The following CUL5 variants were observed in gnomAD, a reference collection of about 807,000 sequenced individuals.
CUL5 encodes the protein cullin-5.
In CUL5, 26 loss-of-function variants were observed where a neutral mutation model predicts 108.8. That is an observed-to-expected ratio of 0.24 (90% confidence interval 0.18 to 0.33). The LOEUF (loss-of-function observed/expected upper bound fraction) is 0.33. Ranked by LOEUF, CUL5 falls within the 10% of genes least tolerant of loss-of-function variation. CUL5 has a pLI of 1.00. For missense variants in CUL5, 524 were observed against 909.2 expected, an observed-to-expected ratio of 0.58 and a Z score of 5.45; for synonymous variants, 334 against 298.0, an observed-to-expected ratio of 1.12 and a Z score of -1.25.
intron 7 of CUL5, among the ~76,000 whole-genome samples, chr11:108,065,063 T>TCACCCAGGCTGGAGTGC (rs1863640023): frequency 6.6e-6 from 1 of 152,128 alleles, no homozygotes; most frequent in South Asian, 2.1e-4. Flanking sequence ...TCTTGCTCTG[T>TCACCCAGGCTGGAGTGC]CACCCAGGCT....
At chr11:108,019,234 T>G (rs1010359995) in intron 1 of CUL5, among the ~76,000 whole-genome samples, 1 of 151,900 alleles carries the variant, frequency 6.6e-6, no homozygotes, top group African/African-American at 2.4e-5. Context: ...CCTGGAATCA[T>G]TTCCCCACAG....
chr11:108,038,626 G>A (rs1203403748), intron 2 of CUL5, among the ~76,000 whole-genome samples: 4 of 149,046 alleles, frequency 2.7e-5, no homozygotes, highest in Admixed American at 6.7e-5. Flanking sequence ...AGTGAGCCAA[G>A]ATTGCACCAT....
chr11:108,021,266 T>G lies in CUL5; in HGVS notation c.24+11894T>G, dbSNP rs543396304. Among the ~76,000 whole-genome samples the G allele has an allele frequency of 2.8e-3, 424 of 152,308 alleles. 3 individuals are homozygous for G. Among genetic ancestry groups the G allele is most frequent in the African/African-American group, 9.4e-3 (389 of 41,564 alleles). The stretch of plus-strand genomic sequence containing the variant: ...CAGTATGGCGGGAACTTCACAAATC[T>G]TAAAACAACTAAACTGGTTGTGTGG... On this transcript the variant is annotated intron_variant, in intron 1 of 18. Coordinates refer to ENST00000393094, the MANE Select transcript of CUL5 (RefSeq NM_003478.6).
chr11:108,087,789 A>AC (rs1425631323), intron 11 of CUL5, among the ~76,000 whole-genome samples: 2 of 151,886 alleles, frequency 1.3e-5, no homozygotes, highest in African/African-American at 4.8e-5. Flanking sequence ...ACATGGCAAA[A>AC]CCCCATCTGT....
intron 1 of CUL5, among the ~76,000 whole-genome samples, chr11:108,019,030 C>T (rs1294813245): frequency 1.3e-5 from 2 of 152,056 alleles, no homozygotes; most frequent in Admixed American, 6.6e-5. Context: ...TTATAATTCC[C>T]TAAACAGTAC....
intron 2 of CUL5, among the ~76,000 whole-genome samples, chr11:108,041,606 T>C (rs1862915612): frequency 6.6e-6 from 1 of 151,030 alleles, no homozygotes; most frequent in South Asian, 2.1e-4. Context: ...TTTTTTCTTT[T>C]TTAGACAAAG....
At chr11:108,066,562 T>C (rs753162296) in intron 7 of CUL5, among the ~76,000 whole-genome samples, 18 of 152,218 alleles carry the variant, frequency 1.2e-4, no homozygotes, top group Non-Finnish European at 2.5e-4. Flanking sequence ...GCAAGGATTC[T>C]TTTAACTCAC....
At chr11:108,010,318 A>G (rs1046544413) in intron 1 of CUL5, among the ~76,000 whole-genome samples, 5 of 152,252 alleles carry the variant, frequency 3.3e-5, no homozygotes, top group African/African-American at 9.6e-5. Context: ...GAGGCCTCTC[A>G]TGCCTTCAGG....
chr11:108,027,949 CTCTT>C (rs1348131204), intron 1 of CUL5, among the ~76,000 whole-genome samples: 12 of 152,128 alleles, frequency 7.9e-5, no homozygotes, highest in Admixed American at 7.2e-4. Flanking sequence ...TCTGGTTGCT[CTCTT>C]TGTCTCCTTT....
chr11:108,016,675 G>A (rs1219686741), intron 1 of CUL5, among the ~76,000 whole-genome samples: 4 of 152,194 alleles, frequency 2.6e-5, no homozygotes, highest in Non-Finnish European at 5.9e-5. Flanking sequence ...TGTAAGGAAA[G>A]CAGGGCTGGG....
intron 2 of CUL5, among the ~76,000 whole-genome samples, chr11:108,036,758 C>G (rs919182729): frequency 6.6e-6 from 1 of 152,200 alleles, no homozygotes; most frequent in Non-Finnish European, 1.5e-5. Context: ...GGATTACAGG[C>G]GTGAGCCACG....
chr11:108,104,127 A>C, intron 18 of CUL5, 63 bp from the exon 19 acceptor site: 1 of 1,090,300 alleles, frequency 9.2e-7, no homozygotes. Context: ...GTCATTTTTC[A>C]GTTTGTTGTA....
intron 2 of CUL5, among the ~76,000 whole-genome samples, chr11:108,035,566 C>T (rs1233955241): frequency 6.7e-6 from 1 of 148,612 alleles, no homozygotes; most frequent in Non-Finnish European, 1.5e-5. Context: ...GTGTGAGACC[C>T]TGTCTCTTAA....
chr11:108,081,866 G>T (rs1434936490), intron 11 of CUL5, among the ~76,000 whole-genome samples: 1 of 152,196 alleles, frequency 6.6e-6, no homozygotes, highest in Non-Finnish European at 1.5e-5. Context: ...ATTTACTGTA[G>T]CCTTGCGATA....
In CUL5 at chr11:108,070,146, C is replaced by G; in HGVS notation, c.831C>G (p.Ile277Met). ...TGGTGACATCATTTAAAGAGACTATCTTAGCTGAGTGCCAAGGCATGATCA... is the reference window on the plus strand; with the variant it reads ...TGGTGACATCATTTAAAGAGACTATGTTAGCTGAGTGCCAAGGCATGATCA... ...NALVTSFKET[I>M]LAECQGMIKR... The change falls in exon 8 of 19, where the codon ATC becomes ATG. Residue 277 changes from isoleucine (I) to methionine (M), a missense_variant. Coordinates refer to ENST00000393094, the MANE Select transcript of CUL5 (RefSeq NM_003478.6). The G allele has an allele frequency of 2.5e-6, 4 of 1,612,182 alleles. No homozygotes were observed. The highest frequency in any genetic ancestry group is 3.4e-6 in the Non-Finnish European group (4 of 1,178,812).
intron 2 of CUL5, 39 bp downstream of exon 2, chr11:108,033,950 A>T (rs376724227): frequency 1.4e-4 from 173 of 1,217,708 alleles, no homozygotes; most frequent in Admixed American, 4.0e-4. Context: ...GCATAAAGGA[A>T]ATTTTAGTGA....
chr11:108,055,217 T>C (rs1466377655), intron 7 of CUL5, among the ~76,000 whole-genome samples: 1 of 152,128 alleles, frequency 6.6e-6, no homozygotes, highest in Non-Finnish European at 1.5e-5. Context: ...TTTTGGTAAG[T>C]TTTCTTTTAT....
Position 108,106,533 on chromosome 11 carries a change from GTTTTCT to G in CUL5, c.*2154_*2159del, listed in dbSNP as rs1461007383. ...CAGCAGCAAATACTGTAAATGTACAGTTTTCTTTTTTTTTTTTTTTTGGTTATGTAT... is the reference window on the plus strand; with the variant it reads ...CAGCAGCAAATACTGTAAATGTACAGTTTTTTTTTTTTTTTGGTTATGTAT... On this transcript the variant is annotated 3_prime_UTR_variant, in exon 19 of 19. Transcript: ENST00000393094. 2.6e-5 allele frequency: 2 copies of G among 77,804 alleles called. No homozygotes were observed. The highest frequency in any genetic ancestry group is 1.1e-3 in the South Asian group (2 of 1,778). 4.8% of individuals were successfully genotyped at this position (77,804 alleles called of 1,614,324 possible).
chr11:108,058,087 T>C (rs1027712103), intron 7 of CUL5, among the ~76,000 whole-genome samples: 1 of 149,070 alleles, frequency 6.7e-6, no homozygotes, highest in Non-Finnish European at 1.5e-5. Context: ...CGTGCACCTG[T>C]AATCCCAGCT....
Sources: gnomAD v4.1 joint callset for allele counts (sites outside exome capture counted in the v4.1 genomes callset) on GRCh38, gnomAD v4.1.1 for gene constraint, MANE v1.5 for transcripts, NCBI Gene and HGNC (gene_info 2026-07-23, HGNC 2026-07-21) for gene names.